Variants in RUVBL1 observed in about 807,000 individuals in gnomAD.
RUVBL1 encodes the protein ruvB-like 1.
In RUVBL1, 4 loss-of-function variants were observed where a neutral mutation model predicts 52.4. The ratio of observed to expected loss-of-function variants is 0.08; its 90% confidence interval spans 0.04 to 0.17. The LOEUF is 0.17. Ranked by LOEUF, RUVBL1 falls within the 10% of genes least tolerant of loss-of-function variation. The pLI is 1.00. For synonymous variants in RUVBL1, 217 were observed against 214.4 expected (o/e 1.01, Z -0.10); for missense variants, 298 against 572.8 (o/e 0.52, Z 4.90).
chr3:128,139,216 T>C (rs1248656430), intron 1 of RUVBL1, among the ~76,000 whole-genome samples: 1 of 151,866 alleles, frequency 6.6e-6, no homozygotes, highest in African/African-American at 2.4e-5. Flanking sequence ...AGTTAAAAAG[T>C]CTCTGCACAA....
intron 1 of RUVBL1, among the ~76,000 whole-genome samples, chr3:128,148,658 G>A (rs1944139381): frequency 6.6e-6 from 1 of 152,120 alleles, no homozygotes; most frequent in Admixed American, 6.6e-5. Context: ...AAAGTTGGAG[G>A]GCTGAGCCCT....
chr3:128,098,472 G>C (rs1576455205), intron 7 of RUVBL1, among the ~76,000 whole-genome samples: 1 of 152,242 alleles, frequency 6.6e-6, no homozygotes, highest in Non-Finnish European at 1.5e-5. Context: ...TCACAGGGGA[G>C]CAGCAGCAGT....
rs189402977 is a variant in RUVBL1 at position 128,144,269 on chromosome 3, A to G, written c.-40+8934T>C. On this transcript the variant is annotated intron_variant, in intron 1 of 9. Transcript: ENST00000464873. Reference sequence around the variant, plus strand: ...TTTAAAGCCAAAACTCAAATCAAAGAGCAAAGTATAATAACTTCCTCTGGG... The same window carrying G: ...TTTAAAGCCAAAACTCAAATCAAAGGGCAAAGTATAATAACTTCCTCTGGG... Among the ~76,000 whole-genome samples, 1,305 of 152,320 alleles carry G rather than the reference A, an allele frequency of 8.6e-3. 6 individuals are homozygous for G. Among genetic ancestry groups the G allele is most frequent in the South Asian group, 0.024 (114 of 4,822 alleles).
intron 9 of RUVBL1, chr3:128,069,712 G>A (rs754254454): frequency 9.1e-6 from 14 of 1,542,288 alleles, no homozygotes; most frequent in Non-Finnish European, 1.3e-5. Context: ...CGCCTCGGAA[G>A]GGGAGCTCTC....
chr3:128,151,431 T>G (rs1267142130), intron 1 of RUVBL1, among the ~76,000 whole-genome samples: 1 of 151,892 alleles, frequency 6.6e-6, no homozygotes, highest in Non-Finnish European at 1.5e-5. Context: ...ATGAGGTTTA[T>G]TTGAAGCCAG....
intron 1 of RUVBL1, among the ~76,000 whole-genome samples, chr3:128,148,293 T>C (rs906996784): frequency 1.3e-5 from 2 of 152,090 alleles, no homozygotes; most frequent in African/African-American, 4.8e-5. Flanking sequence ...ATGGTAGAGA[T>C]GTTCAGAGGG....
chr3:128,110,993 G>A (rs960551741), intron 3 of RUVBL1, among the ~76,000 whole-genome samples: 5 of 151,822 alleles, frequency 3.3e-5, no homozygotes, highest in Non-Finnish European at 7.4e-5. Flanking sequence ...CTGGGAGGCC[G>A]AGGCAGGTGA....
intron 2 of RUVBL1, 138 bp from the exon 3 acceptor site, chr3:128,113,158 G>T: frequency 1.0e-6 from 1 of 969,474 alleles, no homozygotes; most frequent in Non-Finnish European, 1.5e-6. Context: ...CACAATAAAT[G>T]TTTGATGACT....
chr3:128,121,801 C>T (rs1943657561), intron 1 of RUVBL1, among the ~76,000 whole-genome samples: 1 of 151,834 alleles, frequency 6.6e-6, no homozygotes, highest in African/African-American at 2.4e-5. Context: ...TTTGGGAAAC[C>T]CAAGGTAGAA....
intron 1 of RUVBL1, among the ~76,000 whole-genome samples, chr3:128,120,711 T>C (rs910438298): frequency 6.6e-6 from 1 of 152,174 alleles, no homozygotes; most frequent in Non-Finnish European, 1.5e-5. Flanking sequence ...GACTGTGAAG[T>C]ACCTTGGTCC....
chr3:128,115,208 C>T (rs1257715625), intron 2 of RUVBL1, among the ~76,000 whole-genome samples: 1 of 152,068 alleles, frequency 6.6e-6, no homozygotes, highest in African/African-American at 2.4e-5. Context: ...ACCAACACAC[C>T]CAAGGTAAAA....
rs1429262362 is a variant in RUVBL1, at chr3:128,101,659, A to T, written c.514-11T>A. The stretch of plus-strand genomic sequence containing the variant: ...AATGCTGGGGTCCAGCTAAAAAAAA[A>T]AATGTAAATCAGAAGTGTAATACAT... On this transcript the variant is annotated splice_polypyrimidine_tract_variant and intron_variant, in intron 4 of 10. Transcript: ENST00000322623. 1 of 1,612,742 alleles carries T rather than the reference A, an allele frequency of 6.2e-7. No homozygotes were observed. Among genetic ancestry groups the T allele is most frequent in the African/African-American group, 1.3e-5 (1 of 75,058 alleles).
At chr3:128,085,732 C>A (rs1402060351) in intron 9 of RUVBL1, among the ~76,000 whole-genome samples, 1 of 151,916 alleles carries the variant, frequency 6.6e-6, no homozygotes, top group East Asian at 1.9e-4. Flanking sequence ...CCTCCAGCCA[C>A]AGGAGAGCAG....
upstream of RUVBL1, among the ~76,000 whole-genome samples, chr3:128,125,142 G>A (rs1265106411): frequency 2.0e-5 from 3 of 149,008 alleles, no homozygotes; most frequent in African/African-American, 7.4e-5. Flanking sequence ...AGCCTCCCGA[G>A]TAGCTGGGAC....
chr3:128,100,841 G>T, intron 5 of RUVBL1, 97 bp from the exon 6 acceptor site: 1 of 1,408,954 alleles, frequency 7.1e-7, no homozygotes, highest in South Asian at 1.3e-5. Flanking sequence ...AGTTCCCACT[G>T]CAGGCCTGAC....
chr3:128,073,660 C>A lies in RUVBL1; in HGVS notation c.940-8440G>T, dbSNP rs375976658. Among the ~76,000 whole-genome samples, 11 of 152,334 alleles carry A rather than the reference C, an allele frequency of 7.2e-5. No homozygotes were observed. The East Asian group carries it at 1.9e-3, about 27-fold the overall frequency. On this transcript the variant is annotated intron_variant, in intron 9 of 9. Coordinates refer to the RUVBL1 transcript ENST00000464873. The stretch of plus-strand genomic sequence containing the variant: ...TACCCACTCCTTTCCACTCAGCAAA[C>A]ATTATTGAGCCTCATGGGGAAATGG...
upstream of RUVBL1, chr3:128,123,985 AG>A: frequency 1.1e-6 from 1 of 909,234 alleles, no homozygotes; most frequent in Non-Finnish European, 1.3e-6. Flanking sequence ...CTTCCTGCCG[AG>A]GCTGGGGTCG....
chr3:128,119,542 T>G (rs1576474817), intron 1 of RUVBL1, 128 bp from the exon 2 acceptor site: 1 of 688,746 alleles, frequency 1.5e-6, no homozygotes, highest in East Asian at 2.8e-5. Context: ...TGCACTGCAG[T>G]CACTGTTCTA....
intron 1 of RUVBL1, among the ~76,000 whole-genome samples, chr3:128,129,653 A>G (rs1006856312): frequency 2.0e-5 from 3 of 152,206 alleles, no homozygotes. Context: ...TGGATTTTTA[A>G]AAGATGGTAT....
Sources: allele counts gnomAD v4.1 joint callset (sites outside exome capture counted in the v4.1 genomes callset), GRCh38; gene constraint gnomAD v4.1.1; transcripts MANE v1.5; gene names NCBI Gene and HGNC (gene_info 2026-07-23, HGNC 2026-07-21).